The following CLN6 variants were observed in gnomAD, a reference collection of about 807,000 sequenced individuals.
CLN6 encodes the protein CLN6 transmembrane ER protein.
Under a neutral mutation model 33.3 loss-of-function variants are expected in CLN6, and 22 were observed. The ratio of observed to expected loss-of-function variants is 0.66; its 90% CI spans 0.47 to 0.94. The LOEUF is 0.94. CLN6 is among the 40% of genes least tolerant of loss of function. The pLI is 0.00. For synonymous variants in CLN6, 201 were observed against 174.6 expected, an observed-to-expected ratio of 1.15 and a Z score of -1.19; for missense variants, 387 against 417.1, an observed-to-expected ratio of 0.93 and a Z score of 0.63.
At chr15:68,254,547 G>A (rs1892412495) in intron 1 of CLN6, 1 of 474,030 alleles carries the variant, frequency 2.1e-6, no homozygotes, top group Non-Finnish European at 3.8e-6. Context: ...ATTTTGAGCA[G>A]TGTGAAAAAG....
rs1331190334 is a variant in CLN6 at position 68,218,528 on chromosome 15, A to G, written c.198+8T>C. The G allele has an allele frequency of 6.3e-7, 1 of 1,595,424 alleles. No individual in the cohort carries two copies. Among genetic ancestry groups the G allele is most frequent in the Non-Finnish European group, 8.6e-7 (1 of 1,162,958 alleles). On this transcript the variant is annotated splice_region_variant and intron_variant, in intron 2 of 6. Transcript: ENST00000249806. ...TGGTCAGAGCCCTGTGCACCATTTC[A>G]CACTCACCATGGCAATGGGACGCCC...
rs1055033392 is a variant in CLN6 at position 68,220,690 on chromosome 15, C to A, written c.84-2040G>T. Among the ~76,000 whole-genome samples, 2 of 152,218 alleles carry A rather than the reference C, an allele frequency of 1.3e-5. No homozygotes were observed. The highest frequency in any genetic ancestry group is 6.5e-5 in the Admixed American group (1 of 15,286). ...CCAGTTCATGATCTGGCCATATGAG[C>A]CAACACATTCCTTTTTGCTAAGGAT... On this transcript the variant is annotated intron_variant, in intron 1 of 6. Transcript: ENST00000249806. This position sits in a 1 kb window ranked among gnomAD's most constrained non-coding sequence, Gnocchi z 4.2.
chr15:68,210,294 C>G lies in CLN6; in HGVS notation c.543-535G>C, dbSNP rs1294140913. Among the ~76,000 whole-genome samples, 10 of 151,890 alleles carry G rather than the reference C, an allele frequency of 6.6e-5. No individual in the cohort carries two copies. Among genetic ancestry groups the G allele is most frequent in the Non-Finnish European group, 1.5e-4 (10 of 67,946 alleles). On this transcript the variant is annotated intron_variant, in intron 5 of 6. Transcript: ENST00000249806. The surrounding 1 kb of genome is among the most constrained non-coding windows in gnomAD (Gnocchi z 5.6). ...TCCCTTTCTCCCACCTGTGCTTTCA[C>G]CAGTATACCCGCCTGCCTCTTCTCA...
chr15:68,225,876 G>A (rs1022574716), intron 1 of CLN6, among the ~76,000 whole-genome samples: 8 of 152,198 alleles, frequency 5.3e-5, no homozygotes, highest in Non-Finnish European at 1.0e-4. Flanking sequence ...GGGAGGCTGA[G>A]GCAGAATTGC....
chr15:68,256,730 A>G lies in CLN6; in HGVS notation c.139T>C (p.Cys47Arg), dbSNP rs1396651724. ...TTGAGTTTTCTCAGCGAAGTCTCAC[A>G]GGACAATGGCGCCTGCGCCAGTGGC... Residue 47 changes from cysteine to arginine, a missense_variant, in exon 1 of 7, where the codon TGT becomes CGT. Transcript: ENST00000538696. This position sits in a 1 kb window ranked among gnomAD's most constrained non-coding sequence, Gnocchi z 4.1. 8.7e-6 allele frequency: 6 copies of G among 691,984 alleles called. No individual in the cohort carries two copies. In the East Asian group the frequency reaches 1.6e-4, roughly 19 times the overall value. 42.9% of individuals were successfully genotyped at this position (691,984 alleles called of 1,614,324 possible). A position where few individuals can be genotyped will look rare whatever the true frequency, so the allele number is the denominator to read the frequency against.
Position 68,242,608 on chromosome 15 carries a change from A to AG in CLN6, c.179+14081_179+14082insC. ...TTAAATAAAATATTTTGTCAGAAAAATAGAAACTAATGCCTTTTTGTTCAC... is the reference window on the plus strand; with the variant it reads ...TTAAATAAAATATTTTGTCAGAAAAAGTAGAAACTAATGCCTTTTTGTTCAC... On this transcript the variant is annotated intron_variant, in intron 1 of 6. Transcript: ENST00000538696. This position sits in a 1 kb window ranked among gnomAD's most constrained non-coding sequence, Gnocchi z 5.0. Among the ~76,000 whole-genome samples, 1 of 152,328 alleles carries AG rather than the reference A, an allele frequency of 6.6e-6. No homozygotes were observed. The highest frequency in any genetic ancestry group is 2.4e-5 in the African/African-American group (1 of 41,580).
rs2093199872 is a variant in CLN6, at chr15:68,209,896, C to T, written c.543-137G>A. On this transcript the variant is annotated intron_variant, in intron 5 of 6. Coordinates refer to ENST00000249806, the MANE Select transcript of CLN6 (RefSeq NM_017882.3). This position sits in a 1 kb window ranked among gnomAD's most constrained non-coding sequence, Gnocchi z 4.9. ...CGCCTAGCCTGGGTGAGAGGCGCTC[C>T]TCTCCACCCAACCTTGCCTGTGCTG... is the stretch of plus-strand genomic sequence containing the variant. The T allele has an allele frequency of 4.2e-6, 5 of 1,195,600 alleles. No individual in the cohort carries two copies. Among genetic ancestry groups the T allele is most frequent in the Non-Finnish European group, 6.1e-6 (5 of 824,654 alleles). The allele number at this position is 1,195,600 out of a possible 1,614,324, so 74.1% of individuals were successfully genotyped here.
rs1892326896 is a variant in CLN6 at position 68,246,083 on chromosome 15, C to T, written c.179+10607G>A. On this transcript the variant is annotated intron_variant, in intron 1 of 6. Transcript: ENST00000538696. This position sits in a 1 kb window ranked among gnomAD's most constrained non-coding sequence, Gnocchi z 4.5. Reference sequence around the variant, plus strand: ...AGTATATTAAGTAAATATGAATCAACCTAAAGGCAGAGATAGACTGTAATA... The same window carrying T: ...AGTATATTAAGTAAATATGAATCAATCTAAAGGCAGAGATAGACTGTAATA... 6.6e-6 allele frequency among the ~76,000 whole-genome samples: 1 copy of T among 152,022 alleles called. No homozygotes were observed. The highest frequency in any genetic ancestry group is 1.5e-5 in the Non-Finnish European group (1 of 68,036).
chr15:68,257,012 A>C, exon 1 of CLN6: 4 of 536,818 alleles, frequency 7.5e-6, no homozygotes, highest in Non-Finnish European at 1.3e-5. Flanking sequence ...ACTGAGCGCG[A>C]CTGACGCAGA....
Position 68,209,607 on chromosome 15 carries a change from G to A in CLN6, c.665+30C>T. ...CTGCCGTGGCTCTCTCAGTGCCCCT[G>A]CCTCTGCCCCCATGCTGATGTCCAC... On this transcript the variant is annotated intron_variant, in intron 6 of 6. Coordinates refer to ENST00000249806, the MANE Select transcript of CLN6 (RefSeq NM_017882.3). This position sits in a 1 kb window ranked among gnomAD's most constrained non-coding sequence, Gnocchi z 4.9. 1 of 1,610,516 alleles carries A rather than the reference G, an allele frequency of 6.2e-7. No homozygotes were observed. Among genetic ancestry groups the A allele is most frequent in the Non-Finnish European group, 8.5e-7 (1 of 1,179,582 alleles).
Position 68,236,169 on chromosome 15 carries a change from T to C in CLN6, c.180-17519A>G, listed in dbSNP as rs981247291. 2.0e-5 allele frequency among the ~76,000 whole-genome samples: 3 copies of C among 152,204 alleles called. No individual in the cohort carries two copies. The highest frequency in any genetic ancestry group is 2.9e-5 in the Non-Finnish European group (2 of 68,040). ...ATATATTCCTGGTGGGATTATAAAA[T>C]GGCACAGCCCCTTTGGAAAATAGTC... is the stretch of plus-strand genomic sequence containing the variant. On this transcript the variant is annotated intron_variant, in intron 1 of 6. Transcript: ENST00000538696. The surrounding 1 kb of genome is among the most constrained non-coding windows in gnomAD (Gnocchi z 4.5).
chr15:68,249,971 C>T (rs1354046439), intron 1 of CLN6, among the ~76,000 whole-genome samples: 1 of 152,026 alleles, frequency 6.6e-6, no homozygotes, highest in African/African-American at 2.4e-5. Context: ...CGGGGTTTCA[C>T]CATGTTGGTC....
At position 68,228,598 on chromosome 15, in the gene CLN6, T is replaced by G. The variant is rs2093258769; in HGVS notation, c.83+904A>C. ...AAAGCTCCAGCACCACTAAACTCCT[T>G]GCCCTTCCCCACTGTTTCCCTGGAT... On this transcript the variant is annotated intron_variant, in intron 1 of 6. Transcript: ENST00000249806. This position sits in a 1 kb window ranked among gnomAD's most constrained non-coding sequence, Gnocchi z 4.4. Among the ~76,000 whole-genome samples, 1 of 152,180 alleles carries G rather than the reference T, an allele frequency of 6.6e-6. No homozygotes were observed. The highest frequency in any genetic ancestry group is 2.1e-4 in the South Asian group (1 of 4,832).
At chr15:68,218,949 G>A (rs2093228071) in intron 1 of CLN6, among the ~76,000 whole-genome samples, 2 of 152,202 alleles carry the variant, frequency 1.3e-5, no homozygotes, top group Admixed American at 1.3e-4. Context: ...AAAGGCAAAG[G>A]ACGCAATCGT....
rs2093259414 is a variant in CLN6, at chr15:68,228,819, C to T, written c.83+683G>A. Among the ~76,000 whole-genome samples the T allele has an allele frequency of 2.0e-5, 3 of 152,194 alleles. No individual in the cohort carries two copies. Among genetic ancestry groups the T allele is most frequent in the Admixed American group, 2.0e-4 (3 of 15,288 alleles). On this transcript the variant is annotated intron_variant, in intron 1 of 6. Coordinates refer to ENST00000249806, the MANE Select transcript of CLN6 (RefSeq NM_017882.3). This position sits in a 1 kb window ranked among gnomAD's most constrained non-coding sequence, Gnocchi z 4.4. ...ACTGCCTGGCACAGCGCTGGGCATA[C>T]CACAGGCGCTTAAAGAATGCCTGCT...
intron 1 of CLN6, among the ~76,000 whole-genome samples, chr15:68,239,003 C>G (rs923264801): frequency 6.6e-6 from 1 of 152,080 alleles, no homozygotes; most frequent in African/African-American, 2.4e-5. Context: ...TTAGACTATT[C>G]TAAGTTCTTT....
At position 68,208,430 on chromosome 15, in the gene CLN6, G is replaced by A. The variant is rs754129486; in HGVS notation, c.666-20C>T. Reference sequence around the variant, plus strand: ...AGGTACCTGGAAAGGCCAGGGGTGAGTGAGGCAGCTGCCGTGGCAACCCCG... The same window carrying A: ...AGGTACCTGGAAAGGCCAGGGGTGAATGAGGCAGCTGCCGTGGCAACCCCG... On this transcript the variant is annotated intron_variant, in intron 6 of 6. Transcript: ENST00000249806. This position sits in a 1 kb window ranked among gnomAD's most constrained non-coding sequence, Gnocchi z 5.8. 3 of 1,611,454 alleles carry A rather than the reference G, an allele frequency of 1.9e-6. No individual in the cohort carries two copies. The highest frequency in any genetic ancestry group is 2.2e-5 in the East Asian group (1 of 44,864).
Position 68,209,510 on chromosome 15 carries a change from GAAGCACGGGCCCA to G in CLN6, c.665+114_665+126del. On this transcript the variant is annotated intron_variant, in intron 6 of 6. Transcript: ENST00000249806. The surrounding 1 kb of genome is among the most constrained non-coding windows in gnomAD (Gnocchi z 4.9). ...TCACAGTCCCCACTAGACACAAGAA[GAAGCACGGGCCCA>G]AAGAGGGCCAGTCTCCCTGGGGCCA... is the stretch of plus-strand genomic sequence containing the variant. 1 of 1,335,274 alleles carries G rather than the reference GAAGCACGGGCCCA, an allele frequency of 7.5e-7. No homozygotes were observed. The highest frequency in any genetic ancestry group is 2.3e-5 in the East Asian group (1 of 42,938). The allele number at this position is 1,335,274 out of a possible 1,614,324, so 82.7% of individuals were successfully genotyped here. A position where few individuals can be genotyped will look rare whatever the true frequency, so the allele number is the denominator to read the frequency against.
At position 68,241,402 on chromosome 15, in the gene CLN6, T is replaced by C. The variant is rs1269953081; in HGVS notation, c.179+15288A>G. ...TAAGATAAATGGATTTCTACATCCA[T>C]GACTCCCCTCCCTATAATCTGCCCA... On this transcript the variant is annotated intron_variant, in intron 1 of 6. Transcript: ENST00000538696. The surrounding 1 kb of genome is among the most constrained non-coding windows in gnomAD (Gnocchi z 4.2). Among the ~76,000 whole-genome samples the C allele has an allele frequency of 6.6e-6, 1 of 152,188 alleles. No homozygotes were observed. Among genetic ancestry groups the C allele is most frequent in the Non-Finnish European group, 1.5e-5 (1 of 68,038 alleles).
Sources: gnomAD v4.1 joint callset for allele counts (sites outside exome capture counted in the v4.1 genomes callset) on GRCh38, gnomAD v4.1.1 for gene constraint, Gnocchi (gnomAD v3.1) non-coding constraint, MANE v1.5 for transcripts, NCBI Gene and HGNC (gene_info 2026-07-23, HGNC 2026-07-21) for gene names.